Variants in FMN1 observed in about 807,000 individuals in gnomAD.
FMN1 encodes formin 1, also known as formin-1.
FMN1 carries 110 observed loss-of-function variants against 132.4 expected under a neutral mutation model. That is an observed-to-expected ratio of 0.83 (90% CI 0.71 to 0.97). The LOEUF is 0.97. Among genes scored for constraint, FMN1 ranks in the 50% least tolerant of loss-of-function variants. The pLI, the probability that FMN1 is intolerant of heterozygous loss-of-function variation, is 0.00. For missense variants in FMN1, 1,792 were observed against 1,705.3 expected (o/e 1.05, Z -0.90); for synonymous variants, 722 against 651.7 (o/e 1.11, Z -1.64).
In FMN1 at chr15:33,048,643, A is replaced by AC. The variant is rs2036811157; in HGVS notation, c.2161+16313_2161+16314insG. Among the ~76,000 whole-genome samples, 4 of 148,584 alleles carry AC rather than the reference A, an allele frequency of 2.7e-5. 1 individual carries two copies. The highest frequency in any genetic ancestry group is 7.4e-5 in the African/African-American group (3 of 40,416). Reference sequence around the variant, plus strand: ...CTGGGCAATTTACCAAAAAAAAAAAAAAAAAACCAACAGTTTAATGGACTT... The same window carrying AC: ...CTGGGCAATTTACCAAAAAAAAAAAACAAAAAACCAACAGTTTAATGGACTT... On this transcript the variant is annotated intron_variant, in intron 6 of 20. Transcript: ENST00000616417.
At chr15:33,127,349 T>C (rs1307198217) in intron 4 of FMN1, among the ~76,000 whole-genome samples, 1 of 148,050 alleles carries the variant, frequency 6.8e-6, no homozygotes, top group Non-Finnish European at 1.5e-5. Context: ...TAAATCCCTC[T>C]AAATAACTTG....
Position 32,824,524 on chromosome 15 carries a change from G to T in FMN1, c.3929-20192C>A, listed in dbSNP as rs899416458. On this transcript the variant is annotated intron_variant, in intron 17 of 20. Coordinates refer to ENST00000616417, the MANE Select transcript of FMN1 (RefSeq NM_001277313.2). Reference sequence around the variant, plus strand: ...ATTATCTCACCCATTCTGATCACTTGCTCTGTTCCCGCCACTGGCTCTTCT... The same window carrying T: ...ATTATCTCACCCATTCTGATCACTTTCTCTGTTCCCGCCACTGGCTCTTCT... Among the ~76,000 whole-genome samples, 3 of 152,134 alleles carry T rather than the reference G, an allele frequency of 2.0e-5. No homozygotes were observed. The East Asian group carries it at 5.8e-4, about 29-fold the overall frequency.
chr15:32,823,230 C>T (rs1168906809), intron 17 of FMN1, among the ~76,000 whole-genome samples: 4 of 135,936 alleles, frequency 2.9e-5, no homozygotes, highest in Admixed American at 8.3e-5. Flanking sequence ...GGCTCAATCT[C>T]GGCTCACTGC....
intron 4 of FMN1, among the ~76,000 whole-genome samples, chr15:33,127,957 G>C (rs1187912065): frequency 1.3e-5 from 2 of 151,954 alleles, no homozygotes; most frequent in Non-Finnish European, 2.9e-5. Flanking sequence ...ACAGGAGAAA[G>C]GAAAGAAAGG....
chr15:33,103,703 T>C (rs1161848185), intron 4 of FMN1, among the ~76,000 whole-genome samples: 2 of 152,122 alleles, frequency 1.3e-5, no homozygotes, highest in Admixed American at 6.6e-5. Context: ...TTTTGTTATG[T>C]AGAAGAGTAT....
At position 33,194,648 on chromosome 15, in the gene FMN1, G is replaced by A. The variant is rs1291804074; in HGVS notation, c.-419C>T. Reference sequence around the variant, plus strand: ...AGGCTGAGGCAGGAGGATTGCTTACGGCAACAGCCGTGGCGGCTGCAGCCT... The same window carrying A: ...AGGCTGAGGCAGGAGGATTGCTTACAGCAACAGCCGTGGCGGCTGCAGCCT... On this transcript the variant is annotated 5_prime_UTR_variant, in exon 1 of 21. Coordinates refer to ENST00000616417, the MANE Select transcript of FMN1 (RefSeq NM_001277313.2). 1 of 152,364 alleles carries A rather than the reference G, an allele frequency of 6.6e-6. No homozygotes were observed. Among genetic ancestry groups the A allele is most frequent in the East Asian group, 1.9e-4 (1 of 5,188 alleles). 9.4% of individuals were successfully genotyped at this position (152,364 alleles called of 1,614,324 possible). A position where few individuals can be genotyped will look rare whatever the true frequency, so the allele number is the denominator to read the frequency against.
intron 3 of FMN1, among the ~76,000 whole-genome samples, chr15:33,177,610 T>C (rs930197759): frequency 6.6e-6 from 1 of 152,086 alleles, no homozygotes; most frequent in Non-Finnish European, 1.5e-5. Context: ...GACAGTAAAT[T>C]CAGCGCACAA....
At chr15:33,139,277 T>A (rs954108522) in intron 4 of FMN1, among the ~76,000 whole-genome samples, 2 of 152,206 alleles carry the variant, frequency 1.3e-5, no homozygotes. Context: ...TGAGGAAGTT[T>A]CAAGGGTTCC....
At chr15:33,186,831 C>T (rs67629086) in intron 2 of FMN1, among the ~76,000 whole-genome samples, 50,655 of 152,168 alleles carry the variant, frequency 0.33, 10,002 homozygotes, top group Non-Finnish European at 0.46. Context: ...AAAGCAGAGG[C>T]TTCCAGTGGC....
At chr15:32,899,880 T>G in intron 14 of FMN1, 99 bp downstream of exon 14, 1 of 1,175,742 alleles carries the variant, frequency 8.5e-7, no homozygotes, top group Non-Finnish European at 1.2e-6. Flanking sequence ...AAGGGGAGGA[T>G]AGAGATAAAT....
At chr15:32,889,451 C>T (rs2059972976) in intron 15 of FMN1, among the ~76,000 whole-genome samples, 1 of 152,204 alleles carries the variant, frequency 6.6e-6, no homozygotes, top group African/African-American at 2.4e-5. Context: ...ATTCCAAACT[C>T]TAAAACTGCT....
chr15:32,990,075 G>A (rs73374803), intron 7 of FMN1, among the ~76,000 whole-genome samples: 18 of 152,212 alleles, frequency 1.2e-4, no homozygotes, highest in African/African-American at 4.3e-4. Context: ...TTTTAAATTT[G>A]AGATACTAAA....
chr15:32,885,832 C>T (rs548809313), intron 16 of FMN1, among the ~76,000 whole-genome samples: 1 of 151,272 alleles, frequency 6.6e-6, no homozygotes, highest in Non-Finnish European at 1.5e-5. Context: ...AAAGACTCTG[C>T]CTGCCTGGAG....
At chr15:32,895,464 T>C (rs188828282) in intron 15 of FMN1, among the ~76,000 whole-genome samples, 53 of 152,224 alleles carry the variant, frequency 3.5e-4, no homozygotes, top group African/African-American at 1.2e-3. Context: ...GGCAAACAGC[T>C]TGACAAGCAC....
At chr15:32,777,467 G>GTATAA (rs10672365) in intron 19 of FMN1, among the ~76,000 whole-genome samples, 74,240 of 112,636 alleles carry the variant, frequency 0.66, 24,409 homozygotes, top group East Asian at 0.93. Flanking sequence ...TATATATTAC[G>GTATAA]TATATTTATA....
intron 9 of FMN1, among the ~76,000 whole-genome samples, chr15:32,942,557 G>A (rs948625131): frequency 1.3e-5 from 2 of 152,212 alleles, no homozygotes; most frequent in Admixed American, 1.3e-4. Flanking sequence ...AAAATTAAGA[G>A]AAACACAGAA....
chr15:33,037,553 C>T (rs1478044375), intron 6 of FMN1, among the ~76,000 whole-genome samples: 1 of 152,164 alleles, frequency 6.6e-6, no homozygotes, highest in African/African-American at 2.4e-5. Context: ...GTTATAACCA[C>T]TGAAAACCAG....
At chr15:33,089,501 T>A (rs796322765) in intron 4 of FMN1, among the ~76,000 whole-genome samples, 132 of 152,354 alleles carry the variant, frequency 8.7e-4, no homozygotes, top group African/African-American at 3.1e-3. Context: ...GCTTTTGTCA[T>A]CTCTAGAATC....
intron 9 of FMN1, among the ~76,000 whole-genome samples, chr15:32,939,444 CA>C (rs2061353628): frequency 6.6e-6 from 1 of 151,470 alleles, no homozygotes; most frequent in African/African-American, 2.4e-5. Context: ...TGGAACATGA[CA>C]AAGATTTTTT....
Sources: allele counts gnomAD v4.1 joint callset (sites outside exome capture counted in the v4.1 genomes callset), GRCh38; gene constraint gnomAD v4.1.1; transcripts MANE v1.5; gene names NCBI Gene and HGNC (gene_info 2026-07-23, HGNC 2026-07-21).